The following CFAP74 variants were observed in gnomAD, a reference collection of about 807,000 sequenced individuals.
CFAP74 encodes cilia and flagella associated protein 74.
In CFAP74, 124 loss-of-function variants were observed where a neutral mutation model predicts 188.9. The observed-to-expected ratio is 0.66, with a 90% confidence interval of 0.57 to 0.76. The LOEUF is 0.76. CFAP74 is among the 30% of genes least tolerant of loss of function. The pLI is 0.00. For synonymous variants in CFAP74, 956 were observed against 916.7 expected (o/e 1.04, Z -0.77); for missense variants, 2,198 against 2,165.2 (o/e 1.02, Z -0.30).
chr1:1,996,576 T>C (rs894087447), intron 1 of CFAP74, among the ~76,000 whole-genome samples: 16 of 152,126 alleles, frequency 1.1e-4, no homozygotes. Context: ...ATTAAGTGTG[T>C]GTAATCTCAT....
Position 1,923,427 on chromosome 1 carries a change from G to C in CFAP74, c.4462C>G (p.Leu1488Val). 6.2e-7 allele frequency: 1 copy of C among 1,604,376 alleles called. No homozygotes were observed. Residue 1488 changes from leucine to valine, a missense_variant, in exon 36 of 39, where the codon CTG (leucine) becomes GTG (valine). Transcript: ENST00000682832. This position sits in a 1 kb window ranked among gnomAD's most constrained non-coding sequence, Gnocchi z 6.3. ...HMMFVEGGDP[L>V]DVPVESLTAI... Reference sequence around the variant, plus strand: ...GTCAGAGACTCCACGGGCACGTCCAGGGGGTCGCCGCCCTCCACGAACATC... The same window carrying C: ...GTCAGAGACTCCACGGGCACGTCCACGGGGTCGCCGCCCTCCACGAACATC...
chr1:1,963,557 G>A (rs1346401387), intron 14 of CFAP74, among the ~76,000 whole-genome samples, 192 bp downstream of exon 14: 1 of 151,888 alleles, frequency 6.6e-6, no homozygotes, highest in Non-Finnish European at 1.5e-5. Context: ...TTCGTGAAGG[G>A]AAATGGGCTC....
intron 1 of CFAP74, among the ~76,000 whole-genome samples, chr1:1,992,949 C>T (rs896403431): frequency 1.2e-3 from 185 of 151,562 alleles, no homozygotes; most frequent in African/African-American, 4.5e-3. Flanking sequence ...GCTTATAATC[C>T]CAGCACTTTG....
chr1:1,970,596 G>T (rs1655881106), intron 10 of CFAP74, 63 bp downstream of exon 10: 1 of 1,525,008 alleles, frequency 6.6e-7, no homozygotes, highest in Admixed American at 2.0e-5. Flanking sequence ...AACCCCCTTG[G>T]CTCTCCCTGC....
intron 25 of CFAP74, among the ~76,000 whole-genome samples, chr1:1,937,990 ACT>A (rs764062666): frequency 3.3e-5 from 5 of 152,080 alleles, no homozygotes; most frequent in East Asian, 1.9e-4. Context: ...ATGGTCGCAC[ACT>A]CAAGCACTCA....
chr1:1,940,929 G>A lies in CFAP74; in HGVS notation c.2616-526C>T, dbSNP rs1006209498. Among the ~76,000 whole-genome samples the A allele has an allele frequency of 1.1e-4, 16 of 152,192 alleles. No homozygotes were observed. In the Middle Eastern group the frequency reaches 0.014, roughly 131 times the overall value. On this transcript the variant is annotated intron_variant, in intron 22 of 38. Coordinates refer to ENST00000682832, the MANE Select transcript of CFAP74 (RefSeq NM_001304360.2). ...AGATGGAGACCATCCTGCCTAACACGGTGAAACCCCATCTCTACTAAAAAA... is the reference window on the plus strand; with the variant it reads ...AGATGGAGACCATCCTGCCTAACACAGTGAAACCCCATCTCTACTAAAAAA...
rs773291134 is a variant in CFAP74, at chr1:1,959,242, C to A, written c.1762-33G>T. The A allele has an allele frequency of 1.2e-5, 16 of 1,388,590 alleles. No homozygotes were observed. The African/African-American group carries it at 1.9e-4, about 16-fold the overall frequency. The allele number at this position is 1,388,590 out of a possible 1,614,324, so 86.0% of individuals were successfully genotyped here. ...ATAAAACAACCCCCACCACAATACA[C>A]TTCTGCAACTTTTGTGTGTTTTGTT... On this transcript the variant is annotated intron_variant, in intron 15 of 38. Coordinates refer to ENST00000682832, the MANE Select transcript of CFAP74 (RefSeq NM_001304360.2).
At chr1:1,983,024 C>T (rs1275728938) in intron 6 of CFAP74, among the ~76,000 whole-genome samples, 7 of 152,196 alleles carry the variant, frequency 4.6e-5, no homozygotes, top group Admixed American at 1.3e-4. Flanking sequence ...ACGCAGGATG[C>T]GGAAGGATGC....
rs45489198 is a variant in CFAP74 at position 1,927,737 on chromosome 1, T to C, written c.3397A>G (p.Asn1133Asp). The change falls in exon 28 of 39, where the codon AAT becomes GAT. Residue 1133 changes from asparagine (N) to aspartate (D), a missense_variant. Coordinates refer to ENST00000682832, the MANE Select transcript of CFAP74 (RefSeq NM_001304360.2). ...KEMETKSFRK[N>D]MAPQRKDLHG... ...AGGTCCTTCCTCTGGGGGGCCATAT[T>C]CTTTCGGAACTGTGGGGGGAGCGAC... is the stretch of plus-strand genomic sequence containing the variant. 121,144 of 1,549,838 alleles carry C rather than the reference T, an allele frequency of 0.078. 11,821 individuals are homozygous for C. Among genetic ancestry groups the C allele is most frequent in the African/African-American group, 0.41 (30,093 of 73,120 alleles).
rs1651475699 is a variant in CFAP74 at position 1,922,663 on chromosome 1, G to A, written c.4744C>T (p.Pro1582Ser). 6.2e-7 allele frequency: 1 copy of A among 1,603,610 alleles called. No individual in the cohort carries two copies. The highest frequency in any genetic ancestry group is 1.3e-5 in the African/African-American group (1 of 74,784). ...SLQHKGFSIEPSRGSVERGQT... is the reference protein window; with the variant it reads ...SLQHKGFSIESSRGSVERGQT... ...CCGCGCTCCACGGAGCCCCTGGAGGGCTCAATAGAGAAACCCTTGTGCTGC... is the reference window on the plus strand; with the variant it reads ...CCGCGCTCCACGGAGCCCCTGGAGGACTCAATAGAGAAACCCTTGTGCTGC... Residue 1582 changes from proline (P) to serine (S), a missense_variant, in exon 38 of 39, where the codon CCC becomes TCC. By Grantham distance (74) the Pro-to-Ser change is moderately conservative. Coordinates refer to ENST00000682832, the MANE Select transcript of CFAP74 (RefSeq NM_001304360.2).
chr1:1,955,377 G>A lies in CFAP74; in HGVS notation c.2176+314C>T, dbSNP rs764446982. Reference sequence around the variant, plus strand: ...GCTAGACAGAAGCCCCCCGCAGCCCGGCCCCTCCAGGGGGCACCGCAGAGC... The same window carrying A: ...GCTAGACAGAAGCCCCCCGCAGCCCAGCCCCTCCAGGGGGCACCGCAGAGC... On this transcript the variant is annotated intron_variant, in intron 18 of 38. Transcript: ENST00000682832. The A allele has an allele frequency of 3.4e-5, 47 of 1,365,638 alleles. No individual in the cohort carries two copies. In the South Asian group the frequency reaches 3.8e-4, roughly 11 times the overall value. The allele number at this position is 1,365,638 out of a possible 1,614,324, so 84.6% of individuals were successfully genotyped here.
At chr1:1,938,122 C>A in intron 25 of CFAP74, among the ~76,000 whole-genome samples, 1 of 119,124 alleles carries the variant, frequency 8.4e-6, no homozygotes, top group African/African-American at 2.6e-5. Context: ...CATGCACTCA[C>A]ATTCAGTCAC....
intron 18 of CFAP74, among the ~76,000 whole-genome samples, chr1:1,951,669 TA>T (rs1245838015): frequency 6.6e-6 from 1 of 152,362 alleles, no homozygotes; most frequent in South Asian, 2.1e-4. Context: ...CAATTTCCAT[TA>T]AAAAATCTTC....
intron 18 of CFAP74, chr1:1,954,741 C>G (rs1023200149): frequency 1.0e-6 from 1 of 1,004,012 alleles, no homozygotes; most frequent in Non-Finnish European, 1.2e-6. Context: ...TGTGACTGCA[C>G]CACTGCACTC....
At chr1:1,939,544 G>A in intron 24 of CFAP74, 50 bp downstream of exon 24, 5 of 1,502,258 alleles carry the variant, frequency 3.3e-6, no homozygotes, top group Non-Finnish European at 3.6e-6. Context: ...CCTGTCCCCA[G>A]GACTTCCCAG....
At chr1:1,980,081 C>T (rs866518054) in intron 6 of CFAP74, among the ~76,000 whole-genome samples, 2 of 135,628 alleles carry the variant, frequency 1.5e-5, no homozygotes, top group South Asian at 2.5e-4. Flanking sequence ...GTGGGGAGGA[C>T]GGGTGAACGA....
intron 11 of CFAP74, among the ~76,000 whole-genome samples, chr1:1,966,811 C>T (rs1247974654): frequency 2.0e-5 from 3 of 151,572 alleles, no homozygotes; most frequent in Non-Finnish European, 2.9e-5. Flanking sequence ...TCCTTGGCGC[C>T]GATCCTCAGG....
At chr1:1,985,766 G>A (rs1389983783) in intron 5 of CFAP74, among the ~76,000 whole-genome samples, 2 of 152,258 alleles carry the variant, frequency 1.3e-5, no homozygotes, top group Admixed American at 6.5e-5. Flanking sequence ...CCTGGGGGCA[G>A]CAGCCATCCA....
At chr1:1,955,990 T>C in intron 17 of CFAP74, 140 bp from the exon 18 acceptor site, 2 of 1,410,506 alleles carry the variant, frequency 1.4e-6, no homozygotes, top group Non-Finnish European at 1.9e-6. Context: ...CCTCCTCGGC[T>C]GCCTGCTCTC....
Sources: gnomAD v4.1 joint callset for allele counts (sites outside exome capture counted in the v4.1 genomes callset) on GRCh38, gnomAD v4.1.1 for gene constraint, Gnocchi (gnomAD v3.1) non-coding constraint, MANE v1.5 for transcripts, NCBI Gene and HGNC (gene_info 2026-07-23, HGNC 2026-07-21) for gene names.